Variants in CHST9 observed in about 807,000 individuals in gnomAD.
The protein encoded by CHST9 is carbohydrate sulfotransferase 9, also known as GalNAc-4-sulfotransferase 2.
Under a neutral mutation model 44.4 loss-of-function variants are expected in CHST9, and 41 were observed. That is an observed-to-expected ratio of 0.92 (90% CI 0.72 to 1.20). The LOEUF (loss-of-function observed/expected upper bound fraction) is 1.20, where lower values mean the gene tolerates loss of function less well. Among genes scored for constraint, CHST9 ranks in the 50% most tolerant of loss-of-function variants. CHST9 has a pLI of 0.00. For synonymous variants in CHST9, 171 were observed against 178.4 expected, an observed-to-expected ratio of 0.96 and a Z score of 0.33; for missense variants, 504 against 516.5, an observed-to-expected ratio of 0.98 and a Z score of 0.23.
At chr18:27,112,588 T>A (rs2058281401) in intron 2 of CHST9, among the ~76,000 whole-genome samples, 1 of 130,048 alleles carries the variant, frequency 7.7e-6, no homozygotes, top group African/African-American at 2.6e-5. Flanking sequence ...CGTGTGTGTG[T>A]GTGTGTGTGT....
intron 2 of CHST9, among the ~76,000 whole-genome samples, chr18:27,142,247 C>T (rs1165914232): frequency 6.6e-6 from 1 of 152,156 alleles, no homozygotes; most frequent in Middle Eastern, 3.4e-3. Flanking sequence ...TTTGCCAACC[C>T]CTCCTTTATA....
chr18:27,087,073 A>AT (rs2058020321), intron 2 of CHST9, among the ~76,000 whole-genome samples: 1 of 152,188 alleles, frequency 6.6e-6, no homozygotes, highest in Non-Finnish European at 1.5e-5. Context: ...AAGTCAACCT[A>AT]TAAAGACAGT....
At chr18:27,007,516 A>G (rs1228418912) in intron 4 of CHST9, among the ~76,000 whole-genome samples, 1 of 152,250 alleles carries the variant, frequency 6.6e-6, no homozygotes, top group Non-Finnish European at 1.5e-5. Flanking sequence ...TTGGCTTACA[A>G]GAGCAGATAT....
At chr18:27,171,490 C>T (rs1020407633) in intron 1 of CHST9, among the ~76,000 whole-genome samples, 2 of 151,918 alleles carry the variant, frequency 1.3e-5, no homozygotes, top group Non-Finnish European at 2.9e-5. Flanking sequence ...AAAAATGTAA[C>T]CAAAATCTAA....
intron 2 of CHST9, among the ~76,000 whole-genome samples, chr18:27,121,114 C>T (rs903490069): frequency 7.2e-5 from 11 of 152,110 alleles, no homozygotes; most frequent in African/African-American, 1.4e-4. Flanking sequence ...GTGATTCTCC[C>T]GCCTCAGGCT....
chr18:27,184,185 C>T (rs1262763448), intron 1 of CHST9, among the ~76,000 whole-genome samples: 5 of 152,128 alleles, frequency 3.3e-5, no homozygotes, highest in Non-Finnish European at 7.4e-5. Context: ...AAGTCACACA[C>T]ACACATTGTG....
chr18:27,086,754 A>G (rs1353623562), intron 2 of CHST9, among the ~76,000 whole-genome samples: 3 of 152,136 alleles, frequency 2.0e-5, no homozygotes, highest in Admixed American at 2.0e-4. Context: ...TTTTCTTTGG[A>G]GAAAGTGAGT....
chr18:27,052,264 ATGTGTATATATATGTATATATATG>A (rs1296164466), intron 2 of CHST9, among the ~76,000 whole-genome samples: 3 of 130,740 alleles, frequency 2.3e-5, no homozygotes, highest in East Asian at 2.1e-4. Flanking sequence ...GTATATATAT[ATGTGTATATATATGTATATATATG>A]TGTGTATATA....
intron 2 of CHST9, among the ~76,000 whole-genome samples, chr18:27,114,082 T>C (rs900145715): frequency 6.6e-6 from 1 of 152,218 alleles, no homozygotes; most frequent in Non-Finnish European, 1.5e-5. Flanking sequence ...CAGCAGAGGA[T>C]ATAAAGAGAC....
At chr18:27,088,475 A>G (rs1283889575) in intron 2 of CHST9, among the ~76,000 whole-genome samples, 1 of 151,294 alleles carries the variant, frequency 6.6e-6, no homozygotes, top group Non-Finnish European at 1.5e-5. Context: ...GCTCACTGCA[A>G]CCTCTGCTTC....
intron 4 of CHST9, among the ~76,000 whole-genome samples, chr18:26,956,701 G>T (rs991160539): frequency 2.0e-5 from 3 of 151,982 alleles, no homozygotes; most frequent in Admixed American, 6.6e-5. Context: ...TTGAAAAGGC[G>T]GAATGAAATT....
At chr18:27,166,818 T>C (rs139231979) in intron 1 of CHST9, among the ~76,000 whole-genome samples, 13 of 152,304 alleles carry the variant, frequency 8.5e-5, no homozygotes, top group Admixed American at 7.2e-4. Context: ...GAGAAAAACA[T>C]ACACATTTAT....
intron 4 of CHST9, among the ~76,000 whole-genome samples, chr18:27,006,367 A>G (rs2057015802): frequency 6.6e-6 from 1 of 152,222 alleles, no homozygotes; most frequent in African/African-American, 2.4e-5. Flanking sequence ...CACCAATTCC[A>G]ATGAACTTGA....
chr18:27,067,886 T>C (rs1342636329), intron 2 of CHST9, among the ~76,000 whole-genome samples: 1 of 152,132 alleles, frequency 6.6e-6, no homozygotes, highest in Non-Finnish European at 1.5e-5. Context: ...AAATAATCTG[T>C]GGGAAAACAA....
intron 2 of CHST9, among the ~76,000 whole-genome samples, chr18:27,139,248 C>A (rs2143859332): frequency 6.6e-6 from 1 of 152,116 alleles, no homozygotes; most frequent in South Asian, 2.1e-4. Flanking sequence ...TCATATATAA[C>A]TGAAATATAT....
At chr18:27,135,729 T>C (rs2058508287) in intron 2 of CHST9, among the ~76,000 whole-genome samples, 2 of 152,352 alleles carry the variant, frequency 1.3e-5, no homozygotes, top group South Asian at 4.1e-4. Flanking sequence ...TGTCAGGGTG[T>C]GGACCAAGGC....
intron 4 of CHST9, among the ~76,000 whole-genome samples, chr18:26,956,326 A>AAATATAT (rs1404547736): frequency 8.0e-6 from 1 of 125,718 alleles, no homozygotes; most frequent in African/African-American, 3.2e-5. Context: ...AAAAAAAAAA[A>AAATATAT]ATATATATAT....
rs567181683 is a variant in CHST9, at chr18:27,132,566, AG to A, written c.121+10122del. Reference sequence around the variant, plus strand: ...TGTGCCAGGCACCATGCTCAGTCGTAGGGCACAGGAGTGAACAAGGCAATAC... The same window carrying A: ...TGTGCCAGGCACCATGCTCAGTCGTAGGCACAGGAGTGAACAAGGCAATAC... On this transcript the variant is annotated intron_variant, in intron 2 of 5. Coordinates refer to ENST00000618847, the MANE Select transcript of CHST9 (RefSeq NM_031422.6). Among the ~76,000 whole-genome samples, 16 of 152,326 alleles carry A rather than the reference AG, an allele frequency of 1.1e-4. No homozygotes were observed. In the South Asian group the frequency reaches 3.1e-3, roughly 30 times the overall value.
chr18:27,099,313 GCAA>G (rs1312274519), intron 2 of CHST9, among the ~76,000 whole-genome samples: 2 of 152,198 alleles, frequency 1.3e-5, no homozygotes, highest in East Asian at 1.9e-4. Context: ...AAAAGTAGTT[GCAA>G]CAACAACAAA....
Sources: gnomAD v4.1 joint callset for allele counts (sites outside exome capture counted in the v4.1 genomes callset) on GRCh38, gnomAD v4.1.1 for gene constraint, MANE v1.5 for transcripts, NCBI Gene and HGNC (gene_info 2026-07-23, HGNC 2026-07-21) for gene names.